Variants in FHIT observed in about 807,000 individuals in gnomAD.
FHIT encodes fragile histidine triad diadenosine triphosphatase.
FHIT carries 19 observed loss-of-function variants against 17.9 expected under a neutral mutation model. The observed-to-expected ratio is 1.06, with a 90% CI of 0.74 to 1.56. The LOEUF (loss-of-function observed/expected upper bound fraction) is 1.56, where lower values mean the gene tolerates loss of function less well. Among genes scored for constraint, FHIT ranks in the 40% most tolerant of loss-of-function variants. The pLI is 0.00. For synonymous variants in FHIT, 81 were observed against 69.7 expected, an observed-to-expected ratio of 1.16 and a Z score of -0.81; for missense variants, 248 against 189.2, an observed-to-expected ratio of 1.31 and a Z score of -1.82.
chr3:60,615,164 C>A (rs2038914459), intron 4 of FHIT, among the ~76,000 whole-genome samples: 1 of 152,114 alleles, frequency 6.6e-6, no homozygotes, highest in African/African-American at 2.4e-5. Context: ...TAACAGGGAG[C>A]AACTATTGGC....
intron 5 of FHIT, among the ~76,000 whole-genome samples, chr3:60,124,727 C>T (rs1168665583): frequency 1.3e-5 from 2 of 152,192 alleles, no homozygotes; most frequent in Admixed American, 1.3e-4. Context: ...TAATGTTACT[C>T]TTATTTGGCA....
At chr3:60,434,097 C>T (rs2029987367) in intron 5 of FHIT, among the ~76,000 whole-genome samples, 2 of 152,068 alleles carry the variant, frequency 1.3e-5, no homozygotes, top group South Asian at 4.1e-4. Flanking sequence ...CCACAGAATA[C>T]ATTAAAATTG....
intron 1 of FHIT, among the ~76,000 whole-genome samples, chr3:61,225,517 A>G (rs532734053): frequency 6.6e-6 from 1 of 152,360 alleles, no homozygotes; most frequent in African/African-American, 2.4e-5. Flanking sequence ...TTGTAAACAA[A>G]GGCATTGGGT....
At chr3:60,266,175 A>T (rs1338040247) in intron 5 of FHIT, among the ~76,000 whole-genome samples, 2 of 152,118 alleles carry the variant, frequency 1.3e-5, no homozygotes, top group Non-Finnish European at 2.9e-5. Flanking sequence ...GGATGAAAAG[A>T]TAAATAATGT....
intron 3 of FHIT, among the ~76,000 whole-genome samples, chr3:60,965,692 G>A (rs1234527961): frequency 6.6e-6 from 1 of 152,202 alleles, no homozygotes; most frequent in East Asian, 1.9e-4. Context: ...GTTGGAGTTT[G>A]CTGGAGGTCC....
chr3:59,916,900 T>C (rs942637983), intron 8 of FHIT, among the ~76,000 whole-genome samples: 2 of 152,234 alleles, frequency 1.3e-5, no homozygotes, highest in Non-Finnish European at 2.9e-5. Context: ...CATTCCAAAA[T>C]TCTGAAATAC....
intron 7 of FHIT, among the ~76,000 whole-genome samples, chr3:60,009,654 AAT>A (rs1700065911): frequency 6.6e-6 from 1 of 152,188 alleles, no homozygotes; most frequent in South Asian, 2.1e-4. Context: ...AGATAATTCA[AAT>A]ATGATAAAAT....
chr3:60,933,041 A>T, intron 3 of FHIT, among the ~76,000 whole-genome samples: 1 of 152,246 alleles, frequency 6.6e-6, no homozygotes, highest in East Asian at 1.9e-4. Context: ...TAGTTATCTA[A>T]GAGGACTTGA....
chr3:60,337,271 C>T (rs1172670474), intron 5 of FHIT, among the ~76,000 whole-genome samples: 1 of 151,798 alleles, frequency 6.6e-6, no homozygotes, highest in East Asian at 1.9e-4. Context: ...ACTAGGAAGA[C>T]ATGAAGTTCT....
chr3:59,923,817 G>T (rs1054165426), intron 7 of FHIT, among the ~76,000 whole-genome samples: 2 of 152,152 alleles, frequency 1.3e-5, no homozygotes, highest in Non-Finnish European at 2.9e-5. Context: ...TGTACAAGGA[G>T]GGGGAAAGTG....
chr3:60,508,660 T>C (rs17610098), intron 5 of FHIT, among the ~76,000 whole-genome samples: 23,213 of 152,204 alleles, frequency 0.15, 2,084 homozygotes, highest in Middle Eastern at 0.24. Context: ...TGCCAAAGAC[T>C]ACCCTCTGAG....
In FHIT at chr3:60,025,769, G is replaced by A. The variant is rs116683433; in HGVS notation, c.104-11617C>T. Among the ~76,000 whole-genome samples, 367 of 149,796 alleles carry A rather than the reference G, an allele frequency of 2.4e-3. 1 individual carries two copies. The highest frequency in any genetic ancestry group is 8.2e-3 in the African/African-American group (338 of 40,972). ...AAAAAAGAGAGAGTGAAAACTTTCAGCAGCAAGTGATTTCCAAATGTTTCC... is the reference window on the plus strand; with the variant it reads ...AAAAAAGAGAGAGTGAAAACTTTCAACAGCAAGTGATTTCCAAATGTTTCC... On this transcript the variant is annotated intron_variant, in intron 5 of 9. Transcript: ENST00000492590.
chr3:60,212,293 C>G (rs1703489814), intron 5 of FHIT, among the ~76,000 whole-genome samples: 2 of 152,266 alleles, frequency 1.3e-5, no homozygotes, highest in South Asian at 4.1e-4. Context: ...CTCTGAGGCA[C>G]TCCCAACATA....
At chr3:59,880,145 G>A (rs1236827517) in intron 8 of FHIT, among the ~76,000 whole-genome samples, 1 of 152,176 alleles carries the variant, frequency 6.6e-6, no homozygotes, top group East Asian at 1.9e-4. Context: ...TTAAGGTTAA[G>A]AAGTCTCACA....
intron 3 of FHIT, among the ~76,000 whole-genome samples, chr3:60,832,897 A>C (rs1553742969): frequency 6.6e-6 from 1 of 152,214 alleles, no homozygotes; most frequent in African/African-American, 2.4e-5. Flanking sequence ...CTTTACATTT[A>C]AGGCCCATCT....
At chr3:59,925,022 C>CT (rs1177445390) in intron 7 of FHIT, among the ~76,000 whole-genome samples, 3 of 132,368 alleles carry the variant, frequency 2.3e-5, no homozygotes, top group Non-Finnish European at 5.0e-5. Flanking sequence ...GTTTTTTCCT[C>CT]TTTTTTTTCC....
chr3:60,783,298 A>C (rs924987571), intron 4 of FHIT, among the ~76,000 whole-genome samples: 8 of 152,222 alleles, frequency 5.3e-5, no homozygotes, highest in Admixed American at 1.3e-4. Flanking sequence ...AGAGAGAGCC[A>C]AGGAACACCA....
chr3:60,486,105 T>C (rs1156667469), intron 5 of FHIT, among the ~76,000 whole-genome samples: 1 of 152,104 alleles, frequency 6.6e-6, no homozygotes, highest in Non-Finnish European at 1.5e-5. Context: ...TACTAACTAA[T>C]CTATGCTGTC....
intron 5 of FHIT, among the ~76,000 whole-genome samples, chr3:60,062,380 A>G (rs1401431414): frequency 6.6e-6 from 1 of 152,010 alleles, no homozygotes; most frequent in Non-Finnish European, 1.5e-5. Context: ...CTGTCGTAAC[A>G]CTCTTATTTT....
Sources: gnomAD v4.1 joint callset for allele counts (sites outside exome capture counted in the v4.1 genomes callset) on GRCh38, gnomAD v4.1.1 for gene constraint, MANE v1.5 for transcripts, NCBI Gene and HGNC (gene_info 2026-07-23, HGNC 2026-07-21) for gene names.